ADAM22: variants seen among roughly 807,000 people sequenced by gnomAD.
ADAM22 encodes the protein disintegrin and metalloproteinase domain-containing protein 22.
Under a neutral mutation model 144.6 loss-of-function variants are expected in ADAM22, and 65 were observed. The observed-to-expected ratio is 0.45, with a 90% confidence interval of 0.37 to 0.55. ADAM22 has a LOEUF of 0.55. Ranked by LOEUF, ADAM22 falls within the 20% of genes least tolerant of loss-of-function variation. The pLI, the probability that ADAM22 is intolerant of heterozygous loss-of-function variation, is 0.00. For synonymous variants in ADAM22, 391 were observed against 412.6 expected, an observed-to-expected ratio of 0.95 and a Z score of 0.63; for missense variants, 974 against 1,184.9, an observed-to-expected ratio of 0.82 and a Z score of 2.61.
chr7:88,198,484 A>C lies in ADAM22; in HGVS notation c.*1993A>C, dbSNP rs1471593661. On this transcript the variant is annotated 3_prime_UTR_variant, in exon 32 of 32. Transcript: ENST00000413139. ...GCCACATAGCTCAAGCCAAGAACAG[A>C]AGGGCAGACAGATTGAAAGATGTAG... 6.6e-6 allele frequency: 1 copy of C among 152,258 alleles called. No homozygotes were observed. The highest frequency in any genetic ancestry group is 1.5e-5 in the Non-Finnish European group (1 of 68,052). The allele number at this position is 152,258 out of a possible 1,614,324, so 9.4% of individuals were successfully genotyped here.
At chr7:88,082,984 G>C (rs13243521) in intron 4 of ADAM22, among the ~76,000 whole-genome samples, 2,889 of 152,206 alleles carry the variant, frequency 0.019, 56 homozygotes, top group Middle Eastern at 0.048. Context: ...CATCCCATTA[G>C]TGGGTATATA....
At chr7:88,185,009 C>T (rs1057477975) in intron 29 of ADAM22, among the ~76,000 whole-genome samples, 5 of 152,204 alleles carry the variant, frequency 3.3e-5, no homozygotes, top group Non-Finnish European at 5.9e-5. Flanking sequence ...TATGTTTCAC[C>T]TGATTATAGC....
intron 7 of ADAM22, among the ~76,000 whole-genome samples, chr7:88,123,979 T>C (rs151243869): frequency 2.5e-3 from 376 of 152,116 alleles, no homozygotes; most frequent in African/African-American, 8.7e-3. Context: ...GAAAATACTC[T>C]GTGTCATTTC....
At chr7:88,036,947 A>T (rs756326955) in intron 3 of ADAM22, among the ~76,000 whole-genome samples, 45 of 152,124 alleles carry the variant, frequency 3.0e-4, no homozygotes, top group Non-Finnish European at 5.3e-4. Flanking sequence ...ACTTAGGTAG[A>T]ATTTGTAGTC....
intron 3 of ADAM22, among the ~76,000 whole-genome samples, chr7:88,059,220 C>A (rs951445993): frequency 6.6e-6 from 1 of 152,068 alleles, no homozygotes; most frequent in African/African-American, 2.4e-5. Context: ...TTTCTGCCTC[C>A]CTCTAGAGAC....
intron 2 of ADAM22, among the ~76,000 whole-genome samples, chr7:87,950,909 A>G (rs1161320502): frequency 6.6e-6 from 1 of 151,182 alleles, no homozygotes; most frequent in Admixed American, 6.6e-5. Flanking sequence ...GCATTTTTTC[A>G]TGTGTTTTTT....
chr7:87,934,655 G>A (rs1364582287), intron 1 of ADAM22, 105 bp downstream of exon 1: 7 of 1,104,944 alleles, frequency 6.3e-6, no homozygotes, highest in Non-Finnish European at 8.6e-6. Context: ...CGAGTGCGCG[G>A]GGAGATTTTT....
At chr7:88,129,392 A>T (rs546977447) in intron 9 of ADAM22, among the ~76,000 whole-genome samples, 3 of 152,114 alleles carry the variant, frequency 2.0e-5, no homozygotes, top group African/African-American at 7.2e-5. Context: ...ATTTACTTTG[A>T]ACTACTTATT....
At chr7:88,052,224 G>A (rs541448002) in intron 3 of ADAM22, among the ~76,000 whole-genome samples, 2 of 151,836 alleles carry the variant, frequency 1.3e-5, no homozygotes, top group Admixed American at 6.6e-5. Context: ...CCGGCCGGAC[G>A]CGGTGGCTCA....
chr7:88,074,358 T>G (rs1813629493), intron 3 of ADAM22, among the ~76,000 whole-genome samples: 2 of 152,220 alleles, frequency 1.3e-5, no homozygotes, highest in African/African-American at 4.8e-5. Flanking sequence ...TTATACTTTA[T>G]ACATCTGTGA....
chr7:88,133,816 G>T (rs1832390677), intron 12 of ADAM22, among the ~76,000 whole-genome samples: 1 of 152,102 alleles, frequency 6.6e-6, no homozygotes, highest in Non-Finnish European at 1.5e-5. Context: ...AATTGAAAAA[G>T]ATATCCTCAG....
intron 14 of ADAM22, among the ~76,000 whole-genome samples, chr7:88,142,754 C>A (rs897904413): frequency 6.6e-6 from 1 of 151,642 alleles, no homozygotes; most frequent in Non-Finnish European, 1.5e-5. Flanking sequence ...AGGAGAATGG[C>A]GTGAACCCGG....
At chr7:88,029,143 G>C (rs575552230) in intron 3 of ADAM22, among the ~76,000 whole-genome samples, 33 of 151,108 alleles carry the variant, frequency 2.2e-4, no homozygotes, top group Non-Finnish European at 3.8e-4. Flanking sequence ...TTGTTTTCTG[G>C]TTGTTTTATG....
intron 7 of ADAM22, 40 bp downstream of exon 7, chr7:88,116,854 C>G (rs1471991761): frequency 7.0e-7 from 1 of 1,436,732 alleles, no homozygotes. Flanking sequence ...TAAAAGACAA[C>G]TTCAGTAATT....
rs142970172 is a variant in ADAM22, at chr7:88,023,393, T to C, written c.323+44981T>C. On this transcript the variant is annotated intron_variant, in intron 3 of 31. Transcript: ENST00000413139. ...ATCTGTCACCTCAAGCATTTATCCT[T>C]TGTGTTACAAACAATCCAATTATAG... 2.0e-5 allele frequency among the ~76,000 whole-genome samples: 3 copies of C among 152,312 alleles called. No homozygotes were observed. In the East Asian group the frequency reaches 5.8e-4, roughly 29 times the overall value.
chr7:88,141,338 C>G (rs1449843121), intron 14 of ADAM22, among the ~76,000 whole-genome samples: 1 of 152,196 alleles, frequency 6.6e-6, no homozygotes, highest in Non-Finnish European at 1.5e-5. Context: ...GTTCAGACAA[C>G]TTAAACCCAA....
intron 15 of ADAM22, among the ~76,000 whole-genome samples, chr7:88,143,711 A>T (rs1835476695): frequency 1.3e-5 from 2 of 152,216 alleles, no homozygotes; most frequent in African/African-American, 4.8e-5. Flanking sequence ...TTTGCATGTT[A>T]AAAAAGAATG....
chr7:88,066,534 CT>C (rs1227647203), intron 3 of ADAM22, among the ~76,000 whole-genome samples: 1 of 151,942 alleles, frequency 6.6e-6, no homozygotes. Flanking sequence ...ATATATGATT[CT>C]GGTGTTTAGA....
chr7:88,040,605 T>C (rs1802893209), intron 3 of ADAM22, among the ~76,000 whole-genome samples: 1 of 149,902 alleles, frequency 6.7e-6, no homozygotes, highest in African/African-American at 2.4e-5. Flanking sequence ...GTTTTTTTTT[T>C]GTTTTGTTTT....
Sources: gnomAD v4.1 joint callset for allele counts (sites outside exome capture counted in the v4.1 genomes callset) on GRCh38, gnomAD v4.1.1 for gene constraint, MANE v1.5 for transcripts, NCBI Gene and HGNC (gene_info 2026-07-23, HGNC 2026-07-21) for gene names.